HNRNPR: variants seen among roughly 807,000 people sequenced by gnomAD.
HNRNPR encodes heterogeneous nuclear ribonucleoprotein R.
HNRNPR carries 4 observed loss-of-function variants against 70.3 expected under a neutral mutation model. The ratio of observed to expected loss-of-function variants is 0.06; its 90% CI spans 0.03 to 0.13. HNRNPR has a LOEUF of 0.13. Ranked by LOEUF, HNRNPR falls within the 10% of genes least tolerant of loss-of-function variation. HNRNPR has a pLI of 1.00. For missense variants in HNRNPR, 423 were observed against 788.5 expected (o/e 0.54, Z 5.55); for synonymous variants, 241 against 267.6 (o/e 0.90, Z 0.97).
At position 23,340,910 on chromosome 1, in the gene HNRNPR, C is replaced by G; in HGVS notation, c.99G>C (p.Leu33=). 1 of 1,612,968 alleles carries G rather than the reference C, an allele frequency of 6.2e-7. No individual in the cohort carries two copies. Residue 33 remains leucine, a synonymous_variant, in exon 2 of 11, where the codon CTG becomes CTC. Transcript: ENST00000302271. Reference sequence around the variant, plus strand: ...CCTTCTGTGGGAGGCCTGCCTCTATCAGTGTCTTGTAGTGTTCTGTGTGAG... The same window carrying G: ...CCTTCTGTGGGAGGCCTGCCTCTATGAGTGTCTTGTAGTGTTCTGTGTGAG... ...SVTHTEHYKT[L]IEAGLPQKVA...
chr1:23,326,492 G>A (rs2148407301), intron 5 of HNRNPR, among the ~76,000 whole-genome samples: 1 of 152,236 alleles, frequency 6.6e-6, no homozygotes, highest in Admixed American at 6.5e-5. Flanking sequence ...CCAAATTCAA[G>A]TCTTTTTCCA....
chr1:23,342,740 C>T (rs1354730990), intron 1 of HNRNPR, among the ~76,000 whole-genome samples: 1 of 152,096 alleles, frequency 6.6e-6, no homozygotes, highest in Non-Finnish European at 1.5e-5. Flanking sequence ...AGCATTGTAC[C>T]TAGGAATACT....
intron 4 of HNRNPR, among the ~76,000 whole-genome samples, chr1:23,334,940 C>T (rs1646404493): frequency 2.0e-5 from 3 of 150,856 alleles, no homozygotes; most frequent in South Asian, 4.2e-4. Flanking sequence ...TTTTTTGAGA[C>T]GGAGTCTCGC....
chr1:23,312,957 T>C (rs1439397785), intron 9 of HNRNPR, among the ~76,000 whole-genome samples: 15 of 152,208 alleles, frequency 9.9e-5, no homozygotes, highest in Admixed American at 7.9e-4. Context: ...AAAGCAGGTT[T>C]TGTGTTCCAG....
rs1437631954 is a variant in HNRNPR, at chr1:23,306,750, T to C, written c.*3704A>G. 3 of 152,174 alleles carry C rather than the reference T, an allele frequency of 2.0e-5. No individual in the cohort carries two copies. Among genetic ancestry groups the C allele is most frequent in the Non-Finnish European group, 4.4e-5 (3 of 68,040 alleles). 9.4% of individuals were successfully genotyped at this position (152,174 alleles called of 1,614,324 possible). ...TATTATTAAATTGCTGACCAATACA[T>C]TGTATATGCAATATTTTTAAAGCTT... is the stretch of plus-strand genomic sequence containing the variant. On this transcript the variant is annotated 3_prime_UTR_variant, in exon 11 of 11. Coordinates refer to ENST00000302271, the MANE Select transcript of HNRNPR (RefSeq NM_005826.5).
intron 5 of HNRNPR, among the ~76,000 whole-genome samples, chr1:23,327,783 A>C (rs1646050002): frequency 6.6e-6 from 1 of 151,984 alleles, no homozygotes; most frequent in South Asian, 2.1e-4. Context: ...AAAGGGGCTA[A>C]ATGATGGGGC....
chr1:23,334,298 G>C (rs1416213269), intron 4 of HNRNPR, among the ~76,000 whole-genome samples: 1 of 143,338 alleles, frequency 7.0e-6, no homozygotes, highest in Non-Finnish European at 1.5e-5. Flanking sequence ...GTGCAGTAGC[G>C]CGATCTCGGC....
intron 5 of HNRNPR, among the ~76,000 whole-genome samples, chr1:23,331,424 A>C (rs1646219861): frequency 6.7e-6 from 1 of 149,726 alleles, no homozygotes; most frequent in Admixed American, 6.8e-5. Flanking sequence ...AAAAAAAAAT[A>C]GCTGGGCTTC....
chr1:23,326,145 G>A (rs1014446339), intron 5 of HNRNPR, among the ~76,000 whole-genome samples: 1 of 151,776 alleles, frequency 6.6e-6, no homozygotes, highest in Non-Finnish European at 1.5e-5. Context: ...AAAGTACTGG[G>A]ATTACAGGTG....
rs1225791828 is a variant in HNRNPR, at chr1:23,305,408, CAAGT to C, written c.*5042_*5045del. On this transcript the variant is annotated 3_prime_UTR_variant, in exon 11 of 11. Coordinates refer to ENST00000302271, the MANE Select transcript of HNRNPR (RefSeq NM_005826.5). ...GTACAACTAGTCTATAGCAAACTTA[CAAGT>C]AAGGGTTTATATTCATGACACTGAC... 1 of 152,132 alleles carries C rather than the reference CAAGT, an allele frequency of 6.6e-6. No homozygotes were observed. Among genetic ancestry groups the C allele is most frequent in the East Asian group, 1.9e-4 (1 of 5,196 alleles). 9.4% of individuals were successfully genotyped at this position (152,132 alleles called of 1,614,324 possible). A position where few individuals can be genotyped will look rare whatever the true frequency, so the allele number is the denominator to read the frequency against.
chr1:23,320,349 T>C (rs769775491), intron 7 of HNRNPR, among the ~76,000 whole-genome samples: 15 of 152,142 alleles, frequency 9.9e-5, no homozygotes, highest in East Asian at 1.9e-4. Context: ...TCAGAGTGCA[T>C]AGAATTTCTG....
intron 6 of HNRNPR, among the ~76,000 whole-genome samples, chr1:23,322,515 C>T (rs932859383): frequency 3.9e-5 from 6 of 152,184 alleles, no homozygotes; most frequent in Admixed American, 1.3e-4. Flanking sequence ...GGATTACAGG[C>T]GTGAGCCACC....
In HNRNPR at chr1:23,307,983, ACT is replaced by A. The variant is rs1274918997; in HGVS notation, c.*2469_*2470del. 5.9e-5 allele frequency: 9 copies of A among 151,948 alleles called. No homozygotes were observed. The highest frequency in any genetic ancestry group is 2.2e-4 in the African/African-American group (9 of 41,412). The allele number at this position is 151,948 out of a possible 1,614,324, so 9.4% of individuals were successfully genotyped here. ...GACATTTTTCAGGTTTATATATTAC[ACT>A]GTTAGATTTATTTATGTGAAAAGTT... On this transcript the variant is annotated 3_prime_UTR_variant, in exon 11 of 11. Coordinates refer to ENST00000302271, the MANE Select transcript of HNRNPR (RefSeq NM_005826.5).
rs541118651 is a variant in HNRNPR at position 23,311,663 on chromosome 1, G to A, written c.1168-341C>T. ...CATACCAAAGAAGCAAATCCATACC[G>A]GGGAAAAATGCCAGTATTAATACGA... is the stretch of plus-strand genomic sequence containing the variant. On this transcript the variant is annotated intron_variant, in intron 9 of 10. Coordinates refer to ENST00000302271, the MANE Select transcript of HNRNPR (RefSeq NM_005826.5). The A allele has an allele frequency of 8.1e-5, 15 of 186,024 alleles. No individual in the cohort carries two copies. In the South Asian group the frequency reaches 1.0e-3, roughly 13 times the overall value. The allele number at this position is 186,024 out of a possible 1,614,324, so 11.5% of individuals were successfully genotyped here.
intron 1 of HNRNPR, among the ~76,000 whole-genome samples, chr1:23,342,453 G>T (rs1353218267): frequency 6.6e-6 from 1 of 152,134 alleles, no homozygotes; most frequent in Non-Finnish European, 1.5e-5. Context: ...CGCAGACTGT[G>T]GTTAAATTCT....
intron 3 of HNRNPR, chr1:23,338,169 A>C (rs1646574027): frequency 3.1e-6 from 1 of 318,764 alleles, no homozygotes; most frequent in African/African-American, 2.1e-5. Context: ...TTTTCCTCCA[A>C]GATAATAAAA....
At chr1:23,342,588 C>A (rs1204361472) in intron 1 of HNRNPR, among the ~76,000 whole-genome samples, 1 of 152,122 alleles carries the variant, frequency 6.6e-6, no homozygotes, top group Non-Finnish European at 1.5e-5. Context: ...CTGATTAACA[C>A]GACCTATTTC....
chr1:23,330,263 G>A (rs561306040), intron 5 of HNRNPR, among the ~76,000 whole-genome samples: 3 of 152,164 alleles, frequency 2.0e-5, no homozygotes, highest in East Asian at 3.9e-4. Flanking sequence ...TTGGCCAGGC[G>A]AGGTTGCTCA....
chr1:23,343,942 G>C (rs925565333), intron 1 of HNRNPR, among the ~76,000 whole-genome samples: 1 of 152,126 alleles, frequency 6.6e-6, no homozygotes, highest in Non-Finnish European at 1.5e-5. Context: ...AAGCACGGCC[G>C]GCCCCAGCAG....
Sources: allele counts gnomAD v4.1 joint callset (sites outside exome capture counted in the v4.1 genomes callset), GRCh38; gene constraint gnomAD v4.1.1; transcripts MANE v1.5; gene names NCBI Gene and HGNC (gene_info 2026-07-23, HGNC 2026-07-21).